The following CRB1 variants were observed in gnomAD, a reference collection of about 807,000 sequenced individuals.
CRB1 encodes crumbs cell polarity complex component 1.
In CRB1, 83 loss-of-function variants were observed where a neutral mutation model predicts 120.0. That is an observed-to-expected ratio of 0.69 (90% CI 0.58 to 0.83). The LOEUF is 0.83. Ranked by LOEUF, CRB1 falls within the 40% of genes least tolerant of loss-of-function variation. The probability of loss-of-function intolerance (pLI) is 0.00; values close to 1 mark genes in which losing one functional copy is unlikely to be tolerated. For missense variants in CRB1, 1,699 were observed against 1,687.6 expected (o/e 1.01, Z -0.12); for synonymous variants, 625 against 612.5 (o/e 1.02, Z -0.30).
intron 5 of CRB1, chr1:197,357,349 TTA>T (rs1009806441): frequency 7.5e-5 from 27 of 358,296 alleles, no homozygotes; most frequent in African/African-American, 4.8e-4. Context: ...ATGTTAAATT[TTA>T]TGTTATTCAA....
chr1:197,217,407 T>C, the CRB1 span, among the ~76,000 whole-genome samples: 1 of 152,100 alleles, frequency 6.6e-6, no homozygotes, highest in African/African-American at 2.4e-5. Context: ...CAGCCTCAAA[T>C]TGGAAACAAT....
the CRB1 span, among the ~76,000 whole-genome samples, chr1:197,218,375 A>G: frequency 6.6e-6 from 1 of 152,216 alleles, no homozygotes; most frequent in African/African-American, 2.4e-5. Flanking sequence ...ACTCATTTAT[A>G]TAATTAGTGA....
chr1:197,274,869 A>C (rs909059909), intron 1 of CRB1, among the ~76,000 whole-genome samples: 2 of 151,910 alleles, frequency 1.3e-5, no homozygotes, highest in Non-Finnish European at 2.9e-5. Context: ...GTTTGGGGCT[A>C]TTAGTTCCTA....
the CRB1 span, among the ~76,000 whole-genome samples, chr1:197,202,209 C>T: frequency 6.6e-6 from 1 of 152,158 alleles, no homozygotes; most frequent in Non-Finnish European, 1.5e-5. Flanking sequence ...CATGGAAGAA[C>T]TCCTGCAGAG....
intron 1 of CRB1, among the ~76,000 whole-genome samples, chr1:197,290,265 C>CATGT (rs10632386): frequency 7.3e-6 from 1 of 136,898 alleles, no homozygotes; most frequent in Non-Finnish European, 1.6e-5. Context: ...TGTTCCCTTT[C>CATGT]GTGTGTGTGT....
At chr1:197,459,461 G>A (rs1266849181) in intron 11 of CRB1, among the ~76,000 whole-genome samples, 2 of 152,068 alleles carry the variant, frequency 1.3e-5, no homozygotes, top group Non-Finnish European at 2.9e-5. Context: ...TTAGTGTCTG[G>A]TGAGGAACCA....
chr1:197,461,845 T>A (rs982494588), intron 11 of CRB1, among the ~76,000 whole-genome samples: 4 of 152,174 alleles, frequency 2.6e-5, no homozygotes, highest in African/African-American at 9.7e-5. Flanking sequence ...CAATGCCATC[T>A]AATTTGTCAG....
At chr1:197,262,562 G>T in the CRB1 span, among the ~76,000 whole-genome samples, 1 of 152,036 alleles carries the variant, frequency 6.6e-6, no homozygotes, top group Non-Finnish European at 1.5e-5. Context: ...GATACCGGGG[G>T]TAGATGTGCA....
chr1:197,305,065 C>T (rs924473353), intron 1 of CRB1, among the ~76,000 whole-genome samples: 12 of 152,156 alleles, frequency 7.9e-5, no homozygotes, highest in African/African-American at 2.7e-4. Flanking sequence ...ATTCTCAATA[C>T]TAAATTTATT....
chr1:197,291,558 C>A (rs752877257), intron 1 of CRB1, among the ~76,000 whole-genome samples: 1 of 151,780 alleles, frequency 6.6e-6, no homozygotes, highest in Non-Finnish European at 1.5e-5. Context: ...ATTCATGACA[C>A]TGTTGGATTT....
intron 1 of CRB1, among the ~76,000 whole-genome samples, chr1:197,302,528 T>TA (rs1380782516): frequency 6.6e-6 from 1 of 151,974 alleles, no homozygotes; most frequent in East Asian, 1.9e-4. Context: ...TATAAAGACC[T>TA]AAAAAAGGCT....
At position 197,326,130 on chromosome 1, in the gene CRB1, A is replaced by G. The variant is rs187478290; in HGVS notation, c.71-2292A>G. 5.4e-3 allele frequency among the ~76,000 whole-genome samples: 816 copies of G among 152,334 alleles called. 8 individuals are homozygous for G. Among genetic ancestry groups the G allele is most frequent in the African/African-American group, 0.018 (758 of 41,574 alleles). ...TGCATATACATATGCATAGTTTTAC[A>G]TAAAGAAACTATTAAGGTAAGAGCT... On this transcript the variant is annotated intron_variant, in intron 1 of 11. Transcript: ENST00000367400.
chr1:197,259,299 CTGG>C, the CRB1 span, among the ~76,000 whole-genome samples: 1 of 152,186 alleles, frequency 6.6e-6, no homozygotes, highest in African/African-American at 2.4e-5. Context: ...CAATGATAGA[CTGG>C]ATAAAGAAAA....
chr1:197,365,071 C>A (rs1660988278), intron 5 of CRB1, among the ~76,000 whole-genome samples: 1 of 152,172 alleles, frequency 6.6e-6, no homozygotes. Context: ...CTTATGTGGA[C>A]TGTGGGTCCA....
intron 2 of CRB1, among the ~76,000 whole-genome samples, chr1:197,339,471 G>T (rs373478146): frequency 6.6e-6 from 1 of 152,080 alleles, no homozygotes; most frequent in Non-Finnish European, 1.5e-5. Flanking sequence ...ATGCATAGAG[G>T]CCTGTTAGGC....
intron 1 of CRB1, among the ~76,000 whole-genome samples, chr1:197,319,833 G>A (rs944852903): frequency 6.6e-6 from 1 of 152,112 alleles, no homozygotes; most frequent in Non-Finnish European, 1.5e-5. Context: ...AATCATGATG[G>A]GAGATTTTTA....
At chr1:197,271,940 G>C (rs1271178753) in intron 1 of CRB1, among the ~76,000 whole-genome samples, 3 of 152,102 alleles carry the variant, frequency 2.0e-5, no homozygotes, top group Non-Finnish European at 4.4e-5. Flanking sequence ...AATGTGGTTT[G>C]ACAAAACTAC....
the CRB1 span, among the ~76,000 whole-genome samples, chr1:197,211,221 G>T: frequency 6.6e-6 from 1 of 152,034 alleles, no homozygotes; most frequent in Non-Finnish European, 1.5e-5. Flanking sequence ...AAATTATTTT[G>T]TGAACCACAC....
chr1:197,419,998 A>C (rs1553260122), intron 5 of CRB1, among the ~76,000 whole-genome samples: 1 of 78,354 alleles, frequency 1.3e-5, no homozygotes, highest in South Asian at 9.0e-4. Flanking sequence ...AAAAAAAAAA[A>C]ACAAACAAAA....
Sources: gnomAD v4.1 joint callset for allele counts (sites outside exome capture counted in the v4.1 genomes callset) on GRCh38, gnomAD v4.1.1 for gene constraint, MANE v1.5 for transcripts, NCBI Gene and HGNC (gene_info 2026-07-23, HGNC 2026-07-21) for gene names.